Variants in F8 observed in about 807,000 individuals in gnomAD.
F8 encodes coagulation factor VIII, also known as antihemophilic factor.
Under a neutral mutation model 140.6 loss-of-function variants are expected in F8, and 12 were observed. The observed-to-expected ratio is 0.09, with a 90% CI of 0.05 to 0.14. F8 has a LOEUF of 0.14. F8 is among the 10% of genes least tolerant of loss of function. The probability of loss-of-function intolerance (pLI) is 1.00; values close to 1 mark genes in which losing one functional copy is unlikely to be tolerated. For missense variants in F8, 1,354 were observed against 1,720.7 expected (o/e 0.79, Z 3.77); for synonymous variants, 585 against 614.6 (o/e 0.95, Z 0.71).
chrX:154,925,425 T>G (rs1226852166), intron 14 of F8, among the ~76,000 whole-genome samples: 1 of 111,802 alleles, frequency 8.9e-6, no homozygotes, highest in African/African-American at 3.3e-5. Flanking sequence ...GACCCCGGAA[T>G]GGTAGATCCA....
intron 6 of F8, among the ~76,000 whole-genome samples, chrX:154,981,983 A>G (rs1357041549): frequency 9.0e-6 from 1 of 111,163 alleles, no homozygotes; most frequent in African/African-American, 3.3e-5. Flanking sequence ...CAGGAGTTCA[A>G]GACCGGCCTG....
chrX:155,001,302 T>C (rs1412968264), intron 1 of F8, among the ~76,000 whole-genome samples: 2 of 105,329 alleles, frequency 1.9e-5, no homozygotes, highest in African/African-American at 6.9e-5. Flanking sequence ...TAAAATTTAC[T>C]ATCGTAAATC....
rs782490114 is a variant in F8, at chrX:154,979,421, C to T, written c.787+5266G>A. 5.3e-4 allele frequency among the ~76,000 whole-genome samples: 59 copies of T among 111,179 alleles called. No homozygotes were observed. The Admixed American group carries it at 5.5e-3, about 10-fold the overall frequency. On this transcript the variant is annotated intron_variant, in intron 6 of 25. Coordinates refer to ENST00000360256, the MANE Select transcript of F8 (RefSeq NM_000132.4). ...ACTGGGGGCAGGTAGAGCTGGGCTA[C>T]GTGAACCTGCCCTCAGGCTCCTTGG...
At chrX:154,925,177 T>C (rs782312102) in intron 14 of F8, among the ~76,000 whole-genome samples, 1 of 112,738 alleles carries the variant, frequency 8.9e-6, no homozygotes, top group East Asian at 2.8e-4. Context: ...TATGCTCTGC[T>C]TCCCTTATGA....
chrX:154,991,219 T>G (rs2073586170), intron 4 of F8, among the ~76,000 whole-genome samples: 1 of 112,151 alleles, frequency 8.9e-6, no homozygotes, highest in African/African-American at 3.2e-5. Flanking sequence ...TCCCACGCTC[T>G]CTGAGCATTT....
intron 6 of F8, among the ~76,000 whole-genome samples, chrX:154,978,781 G>T (rs2073501425): frequency 9.1e-6 from 1 of 109,891 alleles, no homozygotes; most frequent in Non-Finnish European, 1.9e-5. Flanking sequence ...ATGTATCTGT[G>T]GTGTTGCTTG....
At chrX:154,993,459 G>C (rs1032646228) in intron 3 of F8, among the ~76,000 whole-genome samples, 9 of 111,492 alleles carry the variant, frequency 8.1e-5, no homozygotes, top group Non-Finnish European at 1.7e-4. Flanking sequence ...TCATCATGTT[G>C]GTCAGGATGG....
At chrX:154,857,056 C>T (rs782646469) in intron 25 of F8, among the ~76,000 whole-genome samples, 2 of 112,394 alleles carry the variant, frequency 1.8e-5, no homozygotes, top group East Asian at 5.6e-4. Flanking sequence ...GCAGGATCTT[C>T]ACATTGGTTC....
intron 13 of F8, among the ~76,000 whole-genome samples, chrX:154,945,703 C>G (rs782608444): frequency 7.0e-4 from 78 of 111,590 alleles, no homozygotes; most frequent in African/African-American, 2.4e-3. Flanking sequence ...CCCACTTTCA[C>G]CAATTCTATA....
At chrX:154,974,168 T>C (rs781955432) in intron 6 of F8, among the ~76,000 whole-genome samples, 3 of 112,089 alleles carry the variant, frequency 2.7e-5, no homozygotes, top group Admixed American at 9.4e-5. Context: ...TCTTGCCTAA[T>C]TGCTCTGGCT....
intron 1 of F8, among the ~76,000 whole-genome samples, chrX:155,007,311 G>A (rs782462058): frequency 8.9e-6 from 1 of 112,694 alleles, no homozygotes; most frequent in South Asian, 3.6e-4. Context: ...ATAGGCCATC[G>A]CAGTACTGGC....
rs1281701749 is a variant in F8 at position 154,982,462 on chromosome X, A to AT, written c.787+2224_787+2225insA. Among the ~76,000 whole-genome samples, 379 of 94,682 alleles carry AT rather than the reference A, an allele frequency of 4.0e-3. 4 individuals carry two copies. Among genetic ancestry groups the AT allele is most frequent in the African/African-American group, 0.014 (335 of 23,849 alleles). The allele number at this position is 94,682 out of a possible 115,157, so 82.2% of individuals were successfully genotyped here. On this transcript the variant is annotated intron_variant, in intron 6 of 25. Coordinates refer to ENST00000360256, the MANE Select transcript of F8 (RefSeq NM_000132.4). Reference sequence around the variant, plus strand: ...CTCCGTCTCAAAAAAAAAAAAAAAAAAAATATATATATATATGTATACACA... The same window carrying AT: ...CTCCGTCTCAAAAAAAAAAAAAAAAATAAATATATATATATATGTATACACA...
At chrX:155,012,389 C>A (rs1294733712) in intron 1 of F8, among the ~76,000 whole-genome samples, 2 of 111,542 alleles carry the variant, frequency 1.8e-5, no homozygotes, top group Non-Finnish European at 1.9e-5. Context: ...TAGTTAATTG[C>A]AGCCTTGAAC....
chrX:154,987,965 C>T (rs1213061687), intron 4 of F8, among the ~76,000 whole-genome samples: 5 of 111,726 alleles, frequency 4.5e-5, no homozygotes, highest in Non-Finnish European at 9.4e-5. Context: ...CGTTCTTTCT[C>T]TCTCTCGCAC....
intron 4 of F8, among the ~76,000 whole-genome samples, chrX:154,987,741 A>G (rs2073567202): frequency 8.9e-6 from 1 of 112,056 alleles, no homozygotes; most frequent in Admixed American, 9.5e-5. Context: ...TTTTTTCAAT[A>G]GCCCACAGTG....
chrX:154,971,729 T>C (rs192574063), intron 6 of F8, among the ~76,000 whole-genome samples: 75 of 111,626 alleles, frequency 6.7e-4, no homozygotes, highest in African/African-American at 2.4e-3. Flanking sequence ...TCAACTACTA[T>C]GAGATCAAAT....
intron 6 of F8, among the ~76,000 whole-genome samples, chrX:154,982,150 C>T (rs1414225585): frequency 9.4e-6 from 1 of 106,067 alleles, no homozygotes; most frequent in Non-Finnish European, 1.9e-5. Context: ...TGCCACTGCA[C>T]TCCAGCCTGG....
intron 22 of F8, among the ~76,000 whole-genome samples, chrX:154,872,580 G>C (rs1288596610): frequency 1.8e-5 from 2 of 110,582 alleles, no homozygotes; most frequent in Non-Finnish European, 3.8e-5. Flanking sequence ...GATAACATTA[G>C]GAGAAATACC....
intron 3 of F8, 23 bp from the exon 4 acceptor site, chrX:154,993,171 T>A (rs1557284823): frequency 8.6e-7 from 1 of 1,166,427 alleles, no homozygotes; most frequent in Non-Finnish European, 1.2e-6. Context: ...GAAATAAAAT[T>A]GTCCTTTCTA....
Sources: gnomAD v4.1 joint callset for allele counts (sites outside exome capture counted in the v4.1 genomes callset) on GRCh38, gnomAD v4.1.1 for gene constraint, MANE v1.5 for transcripts, NCBI Gene and HGNC (gene_info 2026-07-23, HGNC 2026-07-21) for gene names.